The following TTN variants were observed in gnomAD, a reference collection of about 807,000 sequenced individuals.
TTN encodes the protein connectin.
TTN carries 1,525 observed loss-of-function variants against 3,223.0 expected under a neutral mutation model. The observed-to-expected ratio is 0.47, with a 90% CI of 0.45 to 0.49. The LOEUF (loss-of-function observed/expected upper bound fraction) is 0.49. Ranked by LOEUF, TTN falls within the 20% of genes least tolerant of loss-of-function variation. The probability of loss-of-function intolerance (pLI) is 0.00; values close to 1 mark genes in which losing one functional copy is unlikely to be tolerated. For missense variants in TTN, 40,786 were observed against 43,424.0 expected, an observed-to-expected ratio of 0.94 and a Z score of 5.40; for synonymous variants, 14,094 against 15,161.0, an observed-to-expected ratio of 0.93 and a Z score of 5.17.
In TTN at chr2:178,618,785, C is replaced by A. The variant is rs2057787860; in HGVS notation, c.46765G>T (p.Val15589Leu). The change falls in exon 251 of 363, where the codon GTG becomes TTG. Residue 15589 changes from valine (V) to leucine (L), a missense_variant. Transcript: ENST00000589042. The stretch of plus-strand genomic sequence containing the variant: ...GCTTTGGGGTAGGCATCATATGGCA[C>A]CACCATTGTCAGAGGCTTGCCAACA... The part of the protein sequence containing the change: ...VDVGKPLTMV[V>L]PYDAYPKAEA... 1.2e-6 allele frequency: 2 copies of A among 1,611,384 alleles called. No individual in the cohort carries two copies. Among genetic ancestry groups the A allele is most frequent in the Non-Finnish European group, 1.7e-6 (2 of 1,178,720 alleles).
chr2:178,540,002 G>T, intron 351 of TTN, 36 bp from the exon 352 acceptor site: 1 of 1,605,296 alleles, frequency 6.2e-7, no homozygotes, highest in Non-Finnish European at 8.5e-7. Flanking sequence ...TTAGCATTTG[G>T]GGTAGGGGGA....
In TTN at chr2:178,715,520, T is replaced by C; in HGVS notation, c.25894A>G (p.Ser8632Gly). The C allele has an allele frequency of 1.2e-6, 2 of 1,612,592 alleles. No individual in the cohort carries two copies. The highest frequency in any genetic ancestry group is 1.7e-6 in the Non-Finnish European group (2 of 1,178,758). ...TTAACTTTTAAGGATGTGCTGCTGCTGGCACTGCCTGCTGCATTGTGGGCC... is the reference window on the plus strand; with the variant it reads ...TTAACTTTTAAGGATGTGCTGCTGCCGGCACTGCCTGCTGCATTGTGGGCC... The part of the protein sequence containing the change: ...CEAHNAAGSA[S>G]SSTSLKVKEP... Residue 8632 changes from serine (S) to glycine (G), a missense_variant, in exon 89 of 363, where the codon AGC (serine) becomes GGC (glycine). Ser to Gly is a moderately conservative substitution (Grantham distance 56, BLOSUM62 0). Coordinates refer to ENST00000589042, the MANE Select transcript of TTN (RefSeq NM_001267550.2).
chr2:178,602,636 A>T, intron 282 of TTN, 46 bp from the exon 283 acceptor site: 1 of 1,432,208 alleles, frequency 7.0e-7, no homozygotes. Context: ...TTTGAAGCTG[A>T]TGAAGTGCTG....
rs756732703 is a variant in TTN, at chr2:178,728,733, T to G, written c.19193A>C (p.Glu6398Ala). 3 of 1,608,502 alleles carry G rather than the reference T, an allele frequency of 1.9e-6. No individual in the cohort carries two copies. In the South Asian group the frequency reaches 3.3e-5, roughly 18 times the overall value. Residue 6398 changes from glutamate to alanine, a missense_variant, in exon 66 of 363, where the codon GAG (glutamate) becomes GCG (alanine). Glu to Ala is a moderately radical substitution (Grantham distance 107). Transcript: ENST00000589042. The part of the protein sequence containing the change: ...VEKAKSVDVT[E>A]KDPMTLECVV... ...ACATTCCAAGGTCATGGGATCTTTCTCCGTAACATCAACTGATTTAGCTTT... is the reference window on the plus strand; with the variant it reads ...ACATTCCAAGGTCATGGGATCTTTCGCCGTAACATCAACTGATTTAGCTTT...
rs757127839 is a variant in TTN, at chr2:178,740,835, C to A, written c.12398G>T (p.Cys4133Phe). The A allele has an allele frequency of 5.0e-5, 80 of 1,613,650 alleles. No homozygotes were observed. Among genetic ancestry groups the A allele is most frequent in the Non-Finnish European group, 6.7e-5 (79 of 1,179,778 alleles). ...LTPESTREFLCINGSIHFQPL... is the reference protein window; with the variant it reads ...LTPESTREFLFINGSIHFQPL... Reference sequence around the variant, plus strand: ...CTGAAAGTGAATACTGCCATTGATGCAAAGAAATTCCCTGGTGCTTTCAGG... The same window carrying A: ...CTGAAAGTGAATACTGCCATTGATGAAAAGAAATTCCCTGGTGCTTTCAGG... Residue 4133 changes from cysteine to phenylalanine, a missense_variant, in exon 48 of 363, where the codon TGC becomes TTC. By Grantham distance (205) the Cys-to-Phe change is radical (BLOSUM62 -2). Coordinates refer to ENST00000589042, the MANE Select transcript of TTN (RefSeq NM_001267550.2).
At position 178,561,030 on chromosome 2, in the gene TTN, C is replaced by A. The variant is rs879238395; in HGVS notation, c.85102G>T (p.Val28368Phe). ...MMDVKFRDVI[V>F]VKAGEVLKIN... is the part of the protein sequence containing the mutation. ...TTAAGGACCTCTCCAGCTTTGACAA[C>A]AATAACGTCTCGGAACTTGACATCC... The change falls in exon 326 of 363, where the codon GTT (valine) becomes TTT (phenylalanine). Residue 28368 changes from valine (V) to phenylalanine (F), a missense_variant. By Grantham distance (50) the Val-to-Phe change is conservative. Transcript: ENST00000589042. 4.3e-6 allele frequency: 7 copies of A among 1,613,734 alleles called. No individual in the cohort carries two copies. Among genetic ancestry groups the A allele is most frequent in the Non-Finnish European group, 5.9e-6 (7 of 1,179,804 alleles).
chr2:178,675,629 A>G (rs1236446941), intron 149 of TTN, 42 bp downstream of exon 149: 1 of 1,352,340 alleles, frequency 7.4e-7, no homozygotes, highest in Admixed American at 3.2e-5. Flanking sequence ...CCACAGTTCA[A>G]CATCGGTGCA....
At position 178,652,194 on chromosome 2, in the gene TTN, A is replaced by G. The variant is rs376260242; in HGVS notation, c.39212-15T>C. ...CACCTCTGGGACTTTAAAAGATATT[A>G]TTATTTTCATTGTTAGACAAAGTAA... On this transcript the variant is annotated splice_polypyrimidine_tract_variant and intron_variant, in intron 203 of 362. Coordinates refer to ENST00000589042, the MANE Select transcript of TTN (RefSeq NM_001267550.2). 36 of 1,612,080 alleles carry G rather than the reference A, an allele frequency of 2.2e-5. No homozygotes were observed. Among genetic ancestry groups the G allele is most frequent in the Non-Finnish European group, 3.1e-5 (36 of 1,179,602 alleles).
Position 178,549,088 on chromosome 2 carries a change from C to G in TTN, c.92538G>C (p.Val30846=). 6.2e-7 allele frequency: 1 copy of G among 1,613,886 alleles called. No homozygotes were observed. The highest frequency in any genetic ancestry group is 8.5e-7 in the Non-Finnish European group (1 of 1,179,832). ...TTVSLEWSKP[V]FDGGMEIIGY... ...CAATTATTTCCATGCCACCATCAAA[C>G]ACTGGTTTGGACCATTCTAAGCTCA... Residue 30846 remains valine, a synonymous_variant, in exon 339 of 363, where the codon GTG becomes GTC. Transcript: ENST00000589042.
Position 178,770,133 on chromosome 2 carries a change from G to T in TTN, c.8568C>A (p.Ile2856=). ...RKVHKLMLQN[I]SPSDAGEYTA... is the part of the protein sequence containing the mutation. ...TGTATTCCCCAGCATCTGAGGGGGA[G>T]ATGTTCTGCAGCATCAGCTTGTGGA... Residue 2856 remains isoleucine (I), a synonymous_variant, in exon 36 of 363, where the codon ATC becomes ATA. Coordinates refer to ENST00000589042, the MANE Select transcript of TTN (RefSeq NM_001267550.2). The T allele has an allele frequency of 3.1e-6, 5 of 1,614,140 alleles. No individual in the cohort carries two copies. Among genetic ancestry groups the T allele is most frequent in the Non-Finnish European group, 3.4e-6 (4 of 1,180,010 alleles).
chr2:178,696,596 C>T (rs577760163), intron 113 of TTN, among the ~76,000 whole-genome samples: 3 of 151,908 alleles, frequency 2.0e-5, no homozygotes, highest in East Asian at 1.9e-4. Flanking sequence ...TTTTAATATT[C>T]GATAAGTTCA....
rs1011934401 is a variant in TTN, at chr2:178,692,594, G to A, written c.31595-14C>T. Reference sequence around the variant, plus strand: ...GTAGCTCAGGGACTTTAAAAGAAAAGTGCCATTTTTGAGAAAGTGTGCATT... The same window carrying A: ...GTAGCTCAGGGACTTTAAAAGAAAAATGCCATTTTTGAGAAAGTGTGCATT... On this transcript the variant is annotated splice_polypyrimidine_tract_variant and intron_variant, in intron 119 of 362. Transcript: ENST00000589042. 6 of 1,507,420 alleles carry A rather than the reference G, an allele frequency of 4.0e-6. No individual in the cohort carries two copies. Among genetic ancestry groups the A allele is most frequent in the Non-Finnish European group, 4.4e-6 (5 of 1,131,226 alleles). 93.4% of individuals were successfully genotyped at this position (1,507,420 alleles called of 1,614,324 possible). A position where few individuals can be genotyped will look rare whatever the true frequency, so the allele number is the denominator to read the frequency against.
chr2:178,570,956 G>T lies in TTN; in HGVS notation c.75176C>A (p.Thr25059Lys), dbSNP rs1374355756. 9 of 1,613,384 alleles carry T rather than the reference G, an allele frequency of 5.6e-6. No homozygotes were observed. The highest frequency in any genetic ancestry group is 7.6e-6 in the Non-Finnish European group (9 of 1,179,610). The change falls in exon 326 of 363, where the codon ACA becomes AAA. Residue 25059 changes from threonine to lysine, a missense_variant. Physicochemically the swap from Thr to Lys is moderately conservative, Grantham distance 78. Transcript: ENST00000589042. ...PEGRWMKASF[T>K]NIIDTHFEVT... ...TTCAAAATGAGTGTCAATAATATTT[G>T]TAAAACTGGCTTTCATCCAACGGCC...
Position 178,729,285 on chromosome 2 carries a change from G to A in TTN, c.18868+3C>T. On this transcript the variant is annotated splice_donor_region_variant and intron_variant, in intron 64 of 362. Transcript: ENST00000589042. Reference sequence around the variant, plus strand: ...TTGATAGGCTGCTTCTTGTATAACTGACCTTTCAGGGCAACTCTAGTACTG... The same window carrying A: ...TTGATAGGCTGCTTCTTGTATAACTAACCTTTCAGGGCAACTCTAGTACTG... 1 of 1,587,376 alleles carries A rather than the reference G, an allele frequency of 6.3e-7. No homozygotes were observed. Among genetic ancestry groups the A allele is most frequent in the Non-Finnish European group, 8.6e-7 (1 of 1,165,622 alleles).
Position 178,757,407 on chromosome 2 carries a change from T to C in TTN, c.10678+135A>G, listed in dbSNP as rs188915219. 2,053 of 1,138,718 alleles carry C rather than the reference T, an allele frequency of 1.8e-3. 25 individuals are homozygous for C. The South Asian group carries it at 0.021, about 12-fold the overall frequency. 70.5% of individuals were successfully genotyped at this position (1,138,718 alleles called of 1,614,324 possible). A position where few individuals can be genotyped will look rare whatever the true frequency, so the allele number is the denominator to read the frequency against. The stretch of plus-strand genomic sequence containing the variant: ...ATAATTGAGGACCTAGCGGGAGTTA[T>C]TGCATGTTATTTTATTAGTAAGTTA... On this transcript the variant is annotated intron_variant, in intron 45 of 362. Transcript: ENST00000589042.
chr2:178,792,299 C>T, intron 9 of TTN, 102 bp from the exon 10 acceptor site: 1 of 1,181,582 alleles, frequency 8.5e-7, no homozygotes, highest in South Asian at 1.4e-5. Context: ...GATGTAAAAT[C>T]CCTTTTCTGC....
In TTN at chr2:178,728,359, T is replaced by C; in HGVS notation, c.19465A>G (p.Lys6489Glu). ...GAAGAGCCCAGAACTTTATCCATTT[T>C]GGTTAATTTTTTGGTGAATGATGGA... Reference protein sequence around the residue: ...IPPSFTKKLTKMDKVLGSSIH... With the variant: ...IPPSFTKKLTEMDKVLGSSIH... Residue 6489 changes from lysine to glutamate, a missense_variant, in exon 67 of 363, where the codon AAA becomes GAA. By Grantham distance (56) the Lys-to-Glu change is moderately conservative. Transcript: ENST00000589042. The C allele has an allele frequency of 6.2e-7, 1 of 1,604,686 alleles. No individual in the cohort carries two copies. The highest frequency in any genetic ancestry group is 1.1e-5 in the South Asian group (1 of 89,230).
Position 178,631,129 on chromosome 2 carries a change from C to A in TTN, c.43919G>T (p.Arg14640Leu). 6.2e-7 allele frequency: 1 copy of A among 1,613,260 alleles called. No individual in the cohort carries two copies. Among genetic ancestry groups the A allele is most frequent in the Non-Finnish European group, 8.5e-7 (1 of 1,179,586 alleles). Reference sequence around the variant, plus strand: ...CAAGGCTTTCTTTAGGATTAGCATGCGTTTCTTGCCATCTGCCTTAATAAC... The same window carrying A: ...CAAGGCTTTCTTTAGGATTAGCATGAGTTTCTTGCCATCTGCCTTAATAAC... ...NAVIKADGKK[R>L]MLILKKALKS... is the part of the protein sequence containing the mutation. The change falls in exon 237 of 363, where the codon CGC becomes CTC. Residue 14640 changes from arginine to leucine, a missense_variant. Transcript: ENST00000589042.
intron 91 of TTN, 22 bp downstream of exon 91, chr2:178,714,270 A>G (rs2077122342): frequency 6.2e-7 from 1 of 1,605,488 alleles, no homozygotes; most frequent in African/African-American, 1.3e-5. Context: ...TGTATCTGTG[A>G]TAACATCATC....
Sources: allele counts gnomAD v4.1 joint callset (sites outside exome capture counted in the v4.1 genomes callset), GRCh38; gene constraint gnomAD v4.1.1; transcripts MANE v1.5; gene names NCBI Gene and HGNC (gene_info 2026-07-23, HGNC 2026-07-21).